CCDC121: variants seen among roughly 807,000 people sequenced by gnomAD.
CCDC121 encodes the protein coiled-coil domain-containing protein 121.
For missense variants in CCDC121, 238 were observed against 304.1 expected (o/e 0.78, Z 1.62); for synonymous variants, 108 against 120.0 (o/e 0.90, Z 0.65).
intron 1 of CCDC121, chr2:27,628,293 G>A: frequency 1.8e-6 from 2 of 1,137,202 alleles, no homozygotes; most frequent in East Asian, 5.1e-5. Context: ...GGGTGGTCAG[G>A]AGTAGAAATA....
rs764368024 is a variant in CCDC121 at position 27,627,625 on chromosome 2, T to G, written c.175A>C (p.Asn59His). Residue 59 changes from asparagine (N) to histidine (H), a missense_variant, in exon 2 of 2, where the codon AAC becomes CAC. Asn to His is a moderately conservative substitution (Grantham distance 68, BLOSUM62 1). Coordinates refer to ENST00000324364, the MANE Select transcript of CCDC121 (RefSeq NM_024584.5). ...EYTEQPEKVWNSYLQKSGEIE... is the reference protein window; with the variant it reads ...EYTEQPEKVWHSYLQKSGEIE... ...TCTCCACTTTTTTGTAAATAGCTGT[T>G]CCATACCTTCTCAGGTTGCTCTGTG... The G allele has an allele frequency of 6.2e-7, 1 of 1,614,126 alleles. No individual in the cohort carries two copies. Among genetic ancestry groups the G allele is most frequent in the South Asian group, 1.1e-5 (1 of 91,084 alleles).
chr2:27,627,587 T>C lies in CCDC121; in HGVS notation c.213A>G (p.Arg71=). ...CATATCTGGAGGCTGATTCTTGTCT[T>C]CTTCGTTCAATCTCTCCACTTTTTT... ...YLQKSGEIER[R]RQESASRYAE... Residue 71 remains arginine (R), a synonymous_variant, in exon 2 of 2, where the codon AGA becomes AGG. Transcript: ENST00000324364. The C allele has an allele frequency of 6.2e-7, 1 of 1,614,190 alleles. No individual in the cohort carries two copies. Among genetic ancestry groups the C allele is most frequent in the Non-Finnish European group, 8.5e-7 (1 of 1,180,034 alleles).
At position 27,627,934 on chromosome 2, in the gene CCDC121, G is replaced by C. The variant is rs758810006; in HGVS notation, c.-118-17C>G. The C allele has an allele frequency of 2.0e-6, 3 of 1,535,090 alleles. No individual in the cohort carries two copies. The highest frequency in any genetic ancestry group is 2.2e-5 in the East Asian group (1 of 44,482). On this transcript the variant is annotated splice_polypyrimidine_tract_variant and intron_variant, in intron 1 of 1. Transcript: ENST00000324364. ...TCAGCAAACCTGAAAGAACAAACGAGACATTCCTCTGTCAGTTAATGAAAC... is the reference window on the plus strand; with the variant it reads ...TCAGCAAACCTGAAAGAACAAACGACACATTCCTCTGTCAGTTAATGAAAC...
At chr2:27,628,802 G>C in intron 1 of CCDC121, 148 bp downstream of exon 1, 1 of 1,504,448 alleles carries the variant, frequency 6.6e-7, no homozygotes, top group East Asian at 2.5e-5. Context: ...AGCCCTCCCA[G>C]GCTGCAGAGA....
At position 27,627,334 on chromosome 2, in the gene CCDC121, G is replaced by T; in HGVS notation, c.466C>A (p.Gln156Lys). ...AGCCTCCTGTCTGGCTCGCTCAGTT[G>T]TTTCTCCAGTAATCTTTTCTCCTGG... is the stretch of plus-strand genomic sequence containing the variant. ...LLQEKRLLEKQLSEPDRRLLG... is the reference protein window; with the variant it reads ...LLQEKRLLEKKLSEPDRRLLG... The change falls in exon 2 of 2, where the codon CAA (glutamine) becomes AAA (lysine). Residue 156 changes from glutamine (Q) to lysine (K), a missense_variant. Physicochemically the swap from Gln to Lys is moderately conservative, Grantham distance 53 (BLOSUM62 1). Coordinates refer to ENST00000324364, the MANE Select transcript of CCDC121 (RefSeq NM_024584.5). The T allele has an allele frequency of 2.5e-6, 4 of 1,613,946 alleles. No homozygotes were observed. The highest frequency in any genetic ancestry group is 2.5e-6 in the Non-Finnish European group (3 of 1,179,890).
chr2:27,627,744 A>T lies in CCDC121; in HGVS notation c.56T>A (p.Leu19Gln). Residue 19 changes from leucine (L) to glutamine (Q), a missense_variant, in exon 2 of 2, where the codon CTG becomes CAG. Leu to Gln is a moderately radical substitution (Grantham distance 113). Transcript: ENST00000324364. ...TCGGTGTAGCTCCCTGGATTCCTCC[A>T]GTAGCTGTTTCCGCTGGGTTTGAGC... is the stretch of plus-strand genomic sequence containing the variant. ...KQAQTQRKQL[L>Q]EESRELHREK... The T allele has an allele frequency of 1.9e-6, 3 of 1,614,026 alleles. No homozygotes were observed. The highest frequency in any genetic ancestry group is 2.5e-6 in the Non-Finnish European group (3 of 1,180,018).
intron 1 of CCDC121, 40 bp downstream of exon 1, chr2:27,628,910 G>A: frequency 3.4e-6 from 5 of 1,482,552 alleles, no homozygotes; most frequent in Non-Finnish European, 4.5e-6. Flanking sequence ...AGCCCTGCCC[G>A]ACGCTAAGAA....
In CCDC121 at chr2:27,627,813, T is replaced by C. The variant is rs1673340467; in HGVS notation, c.-14A>G. On this transcript the variant is annotated 5_prime_UTR_variant, in exon 2 of 2. Transcript: ENST00000324364. ...CAGATCCGTCATTTCCGCCACTATC[T>C]TTTCTTTAAGCCTTGTCTCTACCTT... 1.2e-6 allele frequency: 2 copies of C among 1,614,084 alleles called. No individual in the cohort carries two copies. The highest frequency in any genetic ancestry group is 2.2e-5 in the South Asian group (2 of 91,086).
At position 27,626,996 on chromosome 2, in the gene CCDC121, G is replaced by A. The variant is rs1315514312; in HGVS notation, c.804C>T (p.Pro268=). Residue 268 remains proline, a synonymous_variant, in exon 2 of 2, where the codon CCC becomes CCT. Transcript: ENST00000324364. ...QDVPKTTPSL[P]QGTKSRINPK ...GATTAATCCTTGATTTGGTGCCTTG[G>A]GGAAGACTGGGTGTGGTCTTTGGAA... 6.2e-7 allele frequency: 1 copy of A among 1,609,640 alleles called. No homozygotes were observed. The highest frequency in any genetic ancestry group is 1.3e-5 in the African/African-American group (1 of 74,852).
Position 27,627,078 on chromosome 2 carries a change from A to G in CCDC121, c.722T>C (p.Ile241Thr). 1 of 1,614,148 alleles carries G rather than the reference A, an allele frequency of 6.2e-7. No individual in the cohort carries two copies. Among genetic ancestry groups the G allele is most frequent in the East Asian group, 2.2e-5 (1 of 44,886 alleles). Residue 241 changes from isoleucine (I) to threonine (T), a missense_variant, in exon 2 of 2, where the codon ATC becomes ACC. By Grantham distance (89) the Ile-to-Thr change is moderately conservative. Coordinates refer to ENST00000324364, the MANE Select transcript of CCDC121 (RefSeq NM_024584.5). ...TCCTTGCAGTCTCTGCCTCGCCTGG[A>G]TTAAGGACTCCAGATACCACTGTTC... ...QQEQWYLESL[I>T]QARQRLQGSH...
Position 27,628,273 on chromosome 2 carries a change from G to A in CCDC121, c.-118-356C>T, listed in dbSNP as rs1673365913. 8.2e-5 allele frequency: 81 copies of A among 992,878 alleles called. 1 individual carries two copies. In the South Asian group the frequency reaches 1.3e-3, roughly 16 times the overall value. 61.5% of individuals were successfully genotyped at this position (992,878 alleles called of 1,614,324 possible). On this transcript the variant is annotated intron_variant, in intron 1 of 1. Transcript: ENST00000324364. ...CTGTTTGCAGCTACAAAGGGTCACA[G>A]AAACAGACTGGGTGGTCAGGAGTAG...
In CCDC121 at chr2:27,626,158, A is replaced by G. The variant is rs1445836261; in HGVS notation, c.*805T>C. 6.6e-6 allele frequency: 1 copy of G among 152,324 alleles called. No individual in the cohort carries two copies. The highest frequency in any genetic ancestry group is 2.4e-5 in the African/African-American group (1 of 41,452). 9.4% of individuals were successfully genotyped at this position (152,324 alleles called of 1,614,324 possible). On this transcript the variant is annotated 3_prime_UTR_variant, in exon 2 of 2. Coordinates refer to ENST00000324364, the MANE Select transcript of CCDC121 (RefSeq NM_024584.5). The stretch of plus-strand genomic sequence containing the variant: ...GATAACAAACATCATTTTACTTGCT[A>G]TCTTTTAGAATGCTGCTAGGGAAAT...
chr2:27,628,393 C>T (rs1330684055), intron 1 of CCDC121: 1 of 1,550,728 alleles, frequency 6.4e-7, no homozygotes, highest in Middle Eastern at 1.7e-4. Context: ...TACCTACTTG[C>T]ACCTGGAATC....
intron 1 of CCDC121, chr2:27,628,266 G>C: frequency 1.1e-6 from 1 of 905,640 alleles, no homozygotes; most frequent in Non-Finnish European, 1.6e-6. Flanking sequence ...AGCTACAAAG[G>C]GTCACAGAAA....
At position 27,627,837 on chromosome 2, in the gene CCDC121, T is replaced by G; in HGVS notation, c.-38A>C. On this transcript the variant is annotated 5_prime_UTR_variant, in exon 2 of 2. Transcript: ENST00000324364. ...CTTTTCTTTAAGCCTTGTCTCTACC[T>G]TTGTTAGCTTCTCTGGCTTGACAAA... 1 of 1,614,222 alleles carries G rather than the reference T, an allele frequency of 6.2e-7. No individual in the cohort carries two copies. The highest frequency in any genetic ancestry group is 1.3e-5 in the African/African-American group (1 of 75,068).
chr2:27,627,458 C>G lies in CCDC121; in HGVS notation c.342G>C (p.Lys114Asn). Residue 114 changes from lysine (K) to asparagine (N), a missense_variant, in exon 2 of 2, where the codon AAG becomes AAC. By Grantham distance (94) the Lys-to-Asn change is moderately conservative (BLOSUM62 0). Transcript: ENST00000324364. ...TCTGTATTTCTTTCTCCTGCTTTTC[C>G]TTTAATATAGCAATGTCCCTCATTG... ...LQAMRDIAIL[K>N]EKQEKEIQTL... is the part of the protein sequence containing the mutation. 6.2e-7 allele frequency: 1 copy of G among 1,614,126 alleles called. No homozygotes were observed. The highest frequency in any genetic ancestry group is 8.5e-7 in the Non-Finnish European group (1 of 1,180,014).
Position 27,626,923 on chromosome 2 carries a change from A to G in CCDC121, c.*40T>C, listed in dbSNP as rs1373919955. On this transcript the variant is annotated 3_prime_UTR_variant, in exon 2 of 2. Coordinates refer to ENST00000324364, the MANE Select transcript of CCDC121 (RefSeq NM_024584.5). ...CCAGGTTAATGTAGCACTTAAGAGT[A>G]CTTGCTCCAGTTCTTATTTAATCAG... 1 of 1,413,152 alleles carries G rather than the reference A, an allele frequency of 7.1e-7. No homozygotes were observed. The allele number at this position is 1,413,152 out of a possible 1,614,324, so 87.5% of individuals were successfully genotyped here. A position where few individuals can be genotyped will look rare whatever the true frequency, so the allele number is the denominator to read the frequency against.
Position 27,627,236 on chromosome 2 carries a change from A to G in CCDC121, c.564T>C (p.Ile188=). Residue 188 remains isoleucine (I), a synonymous_variant, in exon 2 of 2, where the codon ATT becomes ATC. Coordinates refer to ENST00000324364, the MANE Select transcript of CCDC121 (RefSeq NM_024584.5). ...QALKLAAKRF[I]FEYSCGINRE... is the part of the protein sequence containing the mutation. ...TGTTGATGCCACAGGAGTATTCAAA[A>G]ATAAACCGCTTTGCTGCCAACTTCA... 1 of 1,614,000 alleles carries G rather than the reference A, an allele frequency of 6.2e-7. No individual in the cohort carries two copies. Among genetic ancestry groups the G allele is most frequent in the Non-Finnish European group, 8.5e-7 (1 of 1,179,880 alleles).
chr2:27,628,878 C>T, intron 1 of CCDC121, 72 bp downstream of exon 1: 1 of 1,465,172 alleles, frequency 6.8e-7, no homozygotes, highest in Non-Finnish European at 9.0e-7. Context: ...ACTTCCTCGC[C>T]ACTGTCACTA....
Sources: allele counts gnomAD v4.1 joint callset, GRCh38; gene constraint gnomAD v4.1.1; transcripts MANE v1.5; gene names NCBI Gene and HGNC (gene_info 2026-07-23, HGNC 2026-07-21).